The following DLGAP4 variants were observed in gnomAD, a reference collection of about 807,000 sequenced individuals.
DLGAP4 encodes DLG associated protein 4, also known as disks large-associated protein 4.
Under a neutral mutation model 86.9 loss-of-function variants are expected in DLGAP4, and 18 were observed. The observed-to-expected ratio is 0.21, with a 90% confidence interval of 0.14 to 0.31. The LOEUF is 0.31. Ranked by LOEUF, DLGAP4 falls within the 10% of genes least tolerant of loss-of-function variation. DLGAP4 has a pLI of 1.00. For synonymous variants in DLGAP4, 548 were observed against 574.3 expected (o/e 0.95, Z 0.65); for missense variants, 1,085 against 1,362.6 (o/e 0.80, Z 3.21).
chr20:36,448,876 A>G (rs181837942), intron 7 of DLGAP4, among the ~76,000 whole-genome samples: 169 of 152,110 alleles, frequency 1.1e-3, no homozygotes, highest in Admixed American at 2.4e-3. Flanking sequence ...AGAGGTTGCA[A>G]TGAGCCAAGA....
chr20:36,464,230 C>T (rs1224338277), intron 7 of DLGAP4, among the ~76,000 whole-genome samples: 1 of 152,188 alleles, frequency 6.6e-6, no homozygotes, highest in East Asian at 1.9e-4. Flanking sequence ...ATGGGAATAA[C>T]ATTCCTTATC....
intron 7 of DLGAP4, among the ~76,000 whole-genome samples, chr20:36,473,469 C>G (rs1440557277): frequency 6.6e-6 from 1 of 152,140 alleles, no homozygotes; most frequent in East Asian, 1.9e-4. Context: ...GAGAGAGTAT[C>G]GTAACACCCA....
At chr20:36,370,744 C>A (rs1283927431) in intron 2 of DLGAP4, among the ~76,000 whole-genome samples, 1 of 152,120 alleles carries the variant, frequency 6.6e-6, no homozygotes, top group Non-Finnish European at 1.5e-5. Context: ...CACTTGAGCC[C>A]AAAAGTTTGA....
intron 1 of DLGAP4, among the ~76,000 whole-genome samples, chr20:36,321,768 G>A (rs2065171264): frequency 6.6e-6 from 1 of 152,164 alleles, no homozygotes; most frequent in Admixed American, 6.5e-5. Context: ...CTGAGGGCTT[G>A]GAAATGGTAC....
rs2147388367 is a variant in DLGAP4 at position 36,350,687 on chromosome 20, T to C, written c.-303-16358T>C. On this transcript the variant is annotated intron_variant, in intron 1 of 12. Transcript: ENST00000339266. This position sits in a 1 kb window ranked among gnomAD's most constrained non-coding sequence, Gnocchi z 4.4. ...TATCAGCCCAGGCCTCTGCACACAG[T>C]AGGTGATCACAAAGTGCTTCTCACA... Among the ~76,000 whole-genome samples the C allele has an allele frequency of 6.6e-6, 1 of 152,314 alleles. No homozygotes were observed. The highest frequency in any genetic ancestry group is 1.5e-5 in the Non-Finnish European group (1 of 68,026).
intron 10 of DLGAP4, among the ~76,000 whole-genome samples, chr20:36,515,585 T>C (rs764913805): frequency 2.6e-5 from 4 of 152,244 alleles, no homozygotes; most frequent in Non-Finnish European, 5.9e-5. Context: ...TTTTTAAATG[T>C]ATTTTAATTT....
chr20:36,309,121 C>A (rs1044562131), intron 1 of DLGAP4, among the ~76,000 whole-genome samples: 9 of 152,158 alleles, frequency 5.9e-5, no homozygotes, highest in Admixed American at 5.9e-4. Context: ...CCCCAGCCCC[C>A]TTCTCCCACG....
At chr20:36,378,151 G>A (rs1243777639) in intron 2 of DLGAP4, among the ~76,000 whole-genome samples, 1 of 152,202 alleles carries the variant, frequency 6.6e-6, no homozygotes, top group African/African-American at 2.4e-5. Context: ...AGACACCTGG[G>A]TGTTACCCTA....
chr20:36,521,562 A>T (rs1427993912), intron 10 of DLGAP4, among the ~76,000 whole-genome samples: 1 of 152,060 alleles, frequency 6.6e-6, no homozygotes, highest in Non-Finnish European at 1.5e-5. Flanking sequence ...GTTTTATTCT[A>T]TTCATGGGGC....
intron 6 of DLGAP4, 72 bp downstream of exon 6, chr20:36,442,849 G>T: frequency 6.3e-7 from 1 of 1,599,364 alleles, no homozygotes; most frequent in Non-Finnish European, 8.6e-7. Flanking sequence ...TGCCCTCTGA[G>T]TGGTCCCAGC....
At chr20:36,484,869 T>G (rs2035342655) in intron 7 of DLGAP4, among the ~76,000 whole-genome samples, 1 of 152,270 alleles carries the variant, frequency 6.6e-6, no homozygotes, top group African/African-American at 2.4e-5. Flanking sequence ...TTCTTAAAAT[T>G]ATAAATTAAC....
At chr20:36,525,682 G>A (rs1411075284) in intron 11 of DLGAP4, 169 bp from the exon 12 acceptor site, 8 of 871,176 alleles carry the variant, frequency 9.2e-6, no homozygotes, top group Non-Finnish European at 1.4e-5. Flanking sequence ...GGCTGGTGCT[G>A]ACCAGAACTG....
chr20:36,494,598 G>T (rs2147757523), intron 7 of DLGAP4, among the ~76,000 whole-genome samples: 1 of 152,200 alleles, frequency 6.6e-6, no homozygotes, highest in East Asian at 1.9e-4. Flanking sequence ...GATTTCCCCA[G>T]TTCCACTTGT....
At chr20:36,447,210 T>G (rs1323083174) in intron 7 of DLGAP4, among the ~76,000 whole-genome samples, 1 of 152,124 alleles carries the variant, frequency 6.6e-6, no homozygotes, top group Non-Finnish European at 1.5e-5. Flanking sequence ...ACTTGGTTGC[T>G]CCTTGGCTCA....
At chr20:36,469,609 C>T (rs986254271) in intron 7 of DLGAP4, among the ~76,000 whole-genome samples, 23 of 151,954 alleles carry the variant, frequency 1.5e-4, no homozygotes, top group Non-Finnish European at 3.1e-4. Context: ...AAAAATTAGC[C>T]GAGCGTGGTG....
intron 7 of DLGAP4, among the ~76,000 whole-genome samples, chr20:36,463,132 C>T (rs184579663): frequency 1.5e-3 from 232 of 152,216 alleles, no homozygotes; most frequent in African/African-American, 5.2e-3. Context: ...AGATTCGATT[C>T]AGGATGAGCA....
At chr20:36,319,981 G>GGGCCTCCCTCTGTGTCCCTCTCCTCCA (rs2065149434) in intron 1 of DLGAP4, among the ~76,000 whole-genome samples, 1 of 111,542 alleles carries the variant, frequency 9.0e-6, no homozygotes, top group African/African-American at 4.0e-5. Context: ...CCACTCCCCC[G>GGGCCTCCCTCTGTGTCCCTCTCCTCCA]GGCCTCCCTC....
intron 1 of DLGAP4, among the ~76,000 whole-genome samples, chr20:36,327,181 G>C (rs2065223862): frequency 6.6e-6 from 1 of 151,720 alleles, no homozygotes; most frequent in Non-Finnish European, 1.5e-5. Context: ...TGTATTTTTA[G>C]TAGAGATGGG....
chr20:36,306,668 T>G lies in DLGAP4; in HGVS notation c.-304+156T>G, dbSNP rs2065005609. On this transcript the variant is annotated intron_variant, in intron 1 of 12. Coordinates refer to ENST00000339266, the MANE Select transcript of DLGAP4 (RefSeq NM_001365621.2). This position sits in a 1 kb window ranked among gnomAD's most constrained non-coding sequence, Gnocchi z 4.9. ...GCAGAAAAGCCCCCTCCCCTGCCAG[T>G]TCTGTCTTCCGATCCCGGGTCCGAG... is the stretch of plus-strand genomic sequence containing the variant. Among the ~76,000 whole-genome samples, 1 of 151,712 alleles carries G rather than the reference T, an allele frequency of 6.6e-6. No individual in the cohort carries two copies. The highest frequency in any genetic ancestry group is 2.4e-5 in the African/African-American group (1 of 41,332).
Sources: allele counts gnomAD v4.1 joint callset (sites outside exome capture counted in the v4.1 genomes callset), GRCh38; gene constraint gnomAD v4.1.1; non-coding constraint Gnocchi (gnomAD v3.1); transcripts MANE v1.5; gene names NCBI Gene and HGNC (gene_info 2026-07-23, HGNC 2026-07-21).